The following SYT9 variants were observed in gnomAD, a reference collection of about 807,000 sequenced individuals.
SYT9 encodes synaptotagmin-9.
A neutral mutation model predicts 48.4 loss-of-function variants in SYT9; 22 were observed. The observed-to-expected ratio is 0.45, with a 90% CI of 0.32 to 0.65. SYT9 has a LOEUF of 0.65. SYT9 is among the 30% of genes least tolerant of loss of function. SYT9 has a pLI of 0.03. For synonymous variants in SYT9, 265 were observed against 245.0 expected, an observed-to-expected ratio of 1.08 and a Z score of -0.76; for missense variants, 577 against 622.0, an observed-to-expected ratio of 0.93 and a Z score of 0.77.
intron 1 of SYT9, among the ~76,000 whole-genome samples, chr11:7,287,811 C>A (rs1282915683): frequency 1.3e-5 from 2 of 152,180 alleles, no homozygotes; most frequent in African/African-American, 4.8e-5. Flanking sequence ...TGGCTCTCTT[C>A]TAGCTTGTAA....
chr11:7,407,368 T>C lies in SYT9; in HGVS notation c.1045-8674T>C, dbSNP rs879266895. 1.4e-3 allele frequency among the ~76,000 whole-genome samples: 81 copies of C among 57,640 alleles called. 7 individuals are homozygous for C. Among genetic ancestry groups the C allele is most frequent in the African/African-American group, 3.6e-3 (17 of 4,722 alleles). The allele number at this position is 57,640 out of a possible 152,430, so 37.8% of individuals were successfully genotyped here. A position where few individuals can be genotyped will look rare whatever the true frequency, so the allele number is the denominator to read the frequency against. ...TTATGTTTAAGTCTATAATTTTTTT[T>C]TTTTTTTTTTTTTTTTTTTTTTTGA... On this transcript the variant is annotated intron_variant, in intron 3 of 6. Transcript: ENST00000318881.
chr11:7,252,056 G>C lies in SYT9; in HGVS notation c.-131G>C. The stretch of plus-strand genomic sequence containing the variant: ...GGCTGGGTCTGGGGCTCGGGCTCAG[G>C]CTCGCACCGTTTCTCGGCAGGTCCC... On this transcript the variant is annotated 5_prime_UTR_variant, in exon 1 of 7. Transcript: ENST00000318881. The surrounding 1 kb of genome is among the most constrained non-coding windows in gnomAD (Gnocchi z 6.3). 9.0e-7 allele frequency: 1 copy of C among 1,116,138 alleles called. No individual in the cohort carries two copies. Among genetic ancestry groups the C allele is most frequent in the Non-Finnish European group, 1.2e-6 (1 of 857,020 alleles). The allele number at this position is 1,116,138 out of a possible 1,614,324, so 69.1% of individuals were successfully genotyped here. A position where few individuals can be genotyped will look rare whatever the true frequency, so the allele number is the denominator to read the frequency against.
intron 1 of SYT9, among the ~76,000 whole-genome samples, chr11:7,268,096 T>G (rs1380510638): frequency 6.6e-6 from 1 of 151,976 alleles, no homozygotes; most frequent in Non-Finnish European, 1.5e-5. Flanking sequence ...TAGGTTAAGT[T>G]TAACAAAATA....
rs532532834 is a variant in SYT9 at position 7,429,510 on chromosome 11, C to T, written c.1467+8875C>T. Among the ~76,000 whole-genome samples the T allele has an allele frequency of 7.9e-5, 12 of 152,316 alleles. No individual in the cohort carries two copies. The South Asian group carries it at 2.5e-3, about 32-fold the overall frequency. ...CAAACCTCTCCCAAACATAGTGTTA[C>T]CTCTGGCCTTTATAAGTATGTAAAC... On this transcript the variant is annotated intron_variant, in intron 6 of 6. Coordinates refer to ENST00000318881, the MANE Select transcript of SYT9 (RefSeq NM_175733.4).
At chr11:7,323,958 T>A (rs1849382548) in intron 3 of SYT9, among the ~76,000 whole-genome samples, 1 of 151,964 alleles carries the variant, frequency 6.6e-6, no homozygotes, top group South Asian at 2.1e-4. Context: ...TTATGGCACA[T>A]TATCTCTTTT....
Position 7,349,133 on chromosome 11 carries a change from T to C in SYT9, c.1044+35192T>C, listed in dbSNP as rs1341429686. On this transcript the variant is annotated intron_variant, in intron 3 of 6. Transcript: ENST00000318881. ...AGATTTCAAGTGGGCTCCTGCTCAC[T>C]GTCAGAGCCACTTACTCTCTTTACT... 2.0e-5 allele frequency among the ~76,000 whole-genome samples: 3 copies of C among 152,070 alleles called. No individual in the cohort carries two copies. In the East Asian group the frequency reaches 5.8e-4, roughly 29 times the overall value.
chr11:7,290,864 G>T (rs1040509363), intron 1 of SYT9, among the ~76,000 whole-genome samples: 1 of 152,152 alleles, frequency 6.6e-6, no homozygotes, highest in African/African-American at 2.4e-5. Context: ...CAGTGGAAAC[G>T]GGTGATAGTC....
chr11:7,443,907 G>A (rs1399650841), intron 6 of SYT9, among the ~76,000 whole-genome samples: 1 of 152,242 alleles, frequency 6.6e-6, no homozygotes, highest in Non-Finnish European at 1.5e-5. Flanking sequence ...ATTTGGTCAT[G>A]ATTGGATTCA....
chr11:7,296,637 T>C lies in SYT9; in HGVS notation c.146-6402T>C, dbSNP rs184973891. ...TTTAATTTTTAGAGAAGTTTTAGTT[T>C]CACAGGAATATTATCTTTTTAAATT... On this transcript the variant is annotated intron_variant, in intron 1 of 6. Coordinates refer to ENST00000318881, the MANE Select transcript of SYT9 (RefSeq NM_175733.4). Among the ~76,000 whole-genome samples, 204 of 152,296 alleles carry C rather than the reference T, an allele frequency of 1.3e-3. No individual in the cohort carries two copies. In the Middle Eastern group the frequency reaches 0.02, roughly 15 times the overall value.
chr11:7,370,021 A>C (rs7946397), intron 3 of SYT9, among the ~76,000 whole-genome samples: 2 of 151,810 alleles, frequency 1.3e-5, no homozygotes, highest in African/African-American at 4.8e-5. Context: ...ACACGGCACC[A>C]TATTTTTAGT....
chr11:7,449,823 C>A (rs535476584), intron 6 of SYT9, among the ~76,000 whole-genome samples: 83 of 152,218 alleles, frequency 5.5e-4, no homozygotes, highest in Non-Finnish European at 1.5e-4. Flanking sequence ...CCTCATGTAC[C>A]CATTTATTCG....
chr11:7,421,916 G>A (rs994053568), intron 6 of SYT9, among the ~76,000 whole-genome samples: 4 of 152,222 alleles, frequency 2.6e-5, no homozygotes, highest in African/African-American at 9.6e-5. Flanking sequence ...ACTGTGCTTA[G>A]AGGAGATTGT....
At chr11:7,426,806 C>T (rs552619786) in intron 6 of SYT9, among the ~76,000 whole-genome samples, 25 of 152,230 alleles carry the variant, frequency 1.6e-4, no homozygotes, top group Admixed American at 4.6e-4. Context: ...CTATGACTCA[C>T]GCTCAGACCT....
rs1589893433 is a variant in SYT9, at chr11:7,261,384, G to A, written c.145+9053G>A. Among the ~76,000 whole-genome samples, 5 of 152,182 alleles carry A rather than the reference G, an allele frequency of 3.3e-5. No homozygotes were observed. In the South Asian group the frequency reaches 1.0e-3, roughly 32 times the overall value. On this transcript the variant is annotated intron_variant, in intron 1 of 6. Transcript: ENST00000318881. The stretch of plus-strand genomic sequence containing the variant: ...TTATAGTAGGGGATGCCAGTTATTT[G>A]CTCACCATATATTTATTGAGCATCT...
At chr11:7,264,271 G>A (rs1190803350) in intron 1 of SYT9, among the ~76,000 whole-genome samples, 1 of 152,124 alleles carries the variant, frequency 6.6e-6, no homozygotes, top group Non-Finnish European at 1.5e-5. Flanking sequence ...GGAAGGAAGT[G>A]TAATTGCCAG....
In SYT9 at chr11:7,421,152, A is replaced by G. The variant is rs76307030; in HGVS notation, c.1467+517A>G. ...ATGAGAATTTATTTCTCTCTCTTAT[A>G]TACAAAAAGTCTAGAGGAAGGCAGT... On this transcript the variant is annotated intron_variant, in intron 6 of 6. Transcript: ENST00000318881. Among the ~76,000 whole-genome samples the G allele has an allele frequency of 5.4e-3, 829 of 152,332 alleles. 6 individuals are homozygous for G. The highest frequency in any genetic ancestry group is 0.019 in the African/African-American group (791 of 41,546).
chr11:7,239,687 T>C (rs528496904), intron 1 of SYT9, among the ~76,000 whole-genome samples: 27 of 152,066 alleles, frequency 1.8e-4, no homozygotes, highest in African/African-American at 6.5e-4. Flanking sequence ...GTGATGGTGG[T>C]TCGTATTAGG....
chr11:7,445,715 A>G (rs1847915335), intron 6 of SYT9, among the ~76,000 whole-genome samples: 1 of 152,186 alleles, frequency 6.6e-6, no homozygotes, highest in Non-Finnish European at 1.5e-5. Context: ...GACGGCCCAC[A>G]GGGATGCAAC....
intron 3 of SYT9, among the ~76,000 whole-genome samples, chr11:7,366,480 T>G (rs1460649829): frequency 6.6e-6 from 1 of 152,230 alleles, no homozygotes; most frequent in Non-Finnish European, 1.5e-5. Context: ...TTAATAGACA[T>G]CCACACTAAT....
Sources: allele counts gnomAD v4.1 joint callset (sites outside exome capture counted in the v4.1 genomes callset), GRCh38; gene constraint gnomAD v4.1.1; non-coding constraint Gnocchi (gnomAD v3.1); transcripts MANE v1.5; gene names NCBI Gene and HGNC (gene_info 2026-07-23, HGNC 2026-07-21).